RELA: variants seen among roughly 807,000 people sequenced by gnomAD.
RELA encodes RELA proto-oncogene, NF-kB subunit, also known as transcription factor p65.
A neutral mutation model predicts 56.7 loss-of-function variants in RELA; 14 were observed. That is an observed-to-expected ratio of 0.25 (90% confidence interval 0.16 to 0.39). The LOEUF (loss-of-function observed/expected upper bound fraction) is 0.39. Ranked by LOEUF, RELA falls within the 10% of genes least tolerant of loss-of-function variation. The probability of loss-of-function intolerance (pLI) is 1.00; values close to 1 mark genes in which losing one functional copy is unlikely to be tolerated. For synonymous variants in RELA, 315 were observed against 289.7 expected (o/e 1.09, Z -0.89); for missense variants, 559 against 736.4 (o/e 0.76, Z 2.79).
upstream of RELA, among the ~76,000 whole-genome samples, chr11:65,663,740 C>T (rs112744469): frequency 1.5e-4 from 22 of 151,260 alleles, 1 homozygote; most frequent in African/African-American, 4.6e-4. Context: ...CACCCCCCTG[C>T]CCCCGCCTGT....
chr11:65,656,510 C>T (rs995749376), intron 8 of RELA, among the ~76,000 whole-genome samples: 1 of 152,154 alleles, frequency 6.6e-6, no homozygotes, highest in African/African-American at 2.4e-5. Flanking sequence ...CCTGACCATC[C>T]GCCATCTGCC....
At position 65,654,846 on chromosome 11, in the gene RELA, A is replaced by G. The variant is rs1856378548; in HGVS notation, c.1188T>C (p.Ala396=). The G allele has an allele frequency of 1.9e-6, 3 of 1,554,222 alleles. No homozygotes were observed. The highest frequency in any genetic ancestry group is 2.6e-6 in the Non-Finnish European group (3 of 1,145,712). Residue 396 remains alanine, a synonymous_variant, in exon 11 of 11, where the codon GCT becomes GCC. Transcript: ENST00000406246. ...VLPQAPAPAP[A]PAMVSALAQA... is the part of the protein sequence containing the mutation. ...GGGCCAGAGCTGATACCATGGCTGG[A>G]GCAGGGGCAGGGGCTGGAGCCTGGG... is the stretch of plus-strand genomic sequence containing the variant.
intron 10 of RELA, 189 bp from the exon 11 acceptor site, chr11:65,655,189 A>ACCTTGGAGTCCTC (rs1283233398): frequency 6.6e-6 from 4 of 603,558 alleles, no homozygotes; most frequent in Non-Finnish European, 1.2e-5. Flanking sequence ...CCACACCTCC[A>ACCTTGGAGTCCTC]CCTTGGAGTC....
upstream of RELA, chr11:65,663,065 G>C: frequency 3.8e-6 from 1 of 265,064 alleles, no homozygotes; most frequent in Non-Finnish European, 7.0e-6. Flanking sequence ...GGGGGTCGGG[G>C]CCAAGTGCGC....
chr11:65,654,215 A>C lies in RELA; in HGVS notation c.*163T>G. 1 of 859,386 alleles carries C rather than the reference A, an allele frequency of 1.2e-6. No homozygotes were observed. The highest frequency in any genetic ancestry group is 1.9e-6 in the Non-Finnish European group (1 of 519,852). The allele number at this position is 859,386 out of a possible 1,614,324, so 53.2% of individuals were successfully genotyped here. ...AGCACCTCCAAAAAGAGAGAGAGAT[A>C]CAGATACTGACAATAAAAGAATAAA... On this transcript the variant is annotated 3_prime_UTR_variant, in exon 11 of 11. Transcript: ENST00000406246.
chr11:65,663,277 C>T (rs1436889237), upstream of RELA, among the ~76,000 whole-genome samples: 1 of 152,194 alleles, frequency 6.6e-6, no homozygotes, highest in East Asian at 1.9e-4. Flanking sequence ...CTGCGGCCGC[C>T]CGCCCCGCGC....
At position 65,654,995 on chromosome 11, in the gene RELA, G is replaced by T; in HGVS notation, c.1039C>A (p.Gln347Lys). ...SSASVPKPAP[Q>K]PYPFTSSLST... The stretch of plus-strand genomic sequence containing the variant: ...AGGGATGACGTAAAGGGATAGGGCT[G>T]GGGTGCTGGAGGAGAGAGACAGAGA... The change falls in exon 11 of 11, where the codon CAG becomes AAG. Residue 347 changes from glutamine to lysine, a missense_variant. By Grantham distance (53) the Gln-to-Lys change is moderately conservative. Transcript: ENST00000406246. The T allele has an allele frequency of 6.3e-7, 1 of 1,596,658 alleles. No homozygotes were observed. Among genetic ancestry groups the T allele is most frequent in the Non-Finnish European group, 8.5e-7 (1 of 1,172,380 alleles).
At chr11:65,662,120 GCTGCCCCCA>G in intron 2 of RELA, 32 bp from the exon 3 acceptor site, 1 of 1,602,072 alleles carries the variant, frequency 6.2e-7, no homozygotes, top group Non-Finnish European at 8.5e-7. Context: ...CCATTAGGCG[GCTGCCCCCA>G]CTGCCCTACC....
At position 65,654,281 on chromosome 11, in the gene RELA, G is replaced by A. The variant is rs768418223; in HGVS notation, c.*97C>T. On this transcript the variant is annotated 3_prime_UTR_variant, in exon 11 of 11. Transcript: ENST00000406246. ...CCAAGGAAGACATCCACAAAGTTGG[G>A]GGCAGTTGGAACACACCCCACCAGA... is the stretch of plus-strand genomic sequence containing the variant. 6.8e-7 allele frequency: 1 copy of A among 1,480,608 alleles called. No homozygotes were observed. The highest frequency in any genetic ancestry group is 9.4e-7 in the Non-Finnish European group (1 of 1,065,244). The allele number at this position is 1,480,608 out of a possible 1,614,324, so 91.7% of individuals were successfully genotyped here.
chr11:65,658,900 C>A lies in RELA; in HGVS notation c.560-78G>T. 1 of 1,180,002 alleles carries A rather than the reference C, an allele frequency of 8.5e-7. No individual in the cohort carries two copies. Among genetic ancestry groups the A allele is most frequent in the South Asian group, 1.2e-5 (1 of 81,858 alleles). The allele number at this position is 1,180,002 out of a possible 1,614,324, so 73.1% of individuals were successfully genotyped here. On this transcript the variant is annotated intron_variant, in intron 6 of 10. Coordinates refer to ENST00000406246, the MANE Select transcript of RELA (RefSeq NM_021975.4). This position sits in a 1 kb window ranked among gnomAD's most constrained non-coding sequence, Gnocchi z 4.5. ...GTGGCCTGCAGGAGATGCAACTTCC[C>A]TGCCCAGCCCAGAGTCAAGGTTGCC...
chr11:65,662,173 A>G lies in RELA; in HGVS notation c.34+6T>C. 4 of 1,590,302 alleles carry G rather than the reference A, an allele frequency of 2.5e-6. No homozygotes were observed. The highest frequency in any genetic ancestry group is 1.4e-5 in the African/African-American group (1 of 73,368). ...CACCTCCCCGACCGCCGCGGGGGCC[A>G]CTTACCTGCCGGGAAGATGAGGGGG... On this transcript the variant is annotated splice_donor_region_variant and intron_variant, in intron 2 of 10. Coordinates refer to ENST00000406246, the MANE Select transcript of RELA (RefSeq NM_021975.4).
Position 65,658,455 on chromosome 11 carries a change from C to G in RELA, c.709G>C (p.Gly237Arg). ...TGCACATCAGCTTGCGAAAAGGAGCCTCGGGCCTCCCAGCCTGGTCCCGTG... is the reference window on the plus strand; with the variant it reads ...TGCACATCAGCTTGCGAAAAGGAGCGTCGGGCCTCCCAGCCTGGTCCCGTG... ...YFTGPGWEAR[G>R]SFSQADVHRQ... is the part of the protein sequence containing the mutation. Residue 237 changes from glycine to arginine, a missense_variant, in exon 8 of 11, where the codon GGC becomes CGC. This residue lies in a region of RELA where 149 missense variants were observed against 256.0 expected (regional missense o/e 0.58). Coordinates refer to ENST00000406246, the MANE Select transcript of RELA (RefSeq NM_021975.4). The surrounding 1 kb of genome is among the most constrained non-coding windows in gnomAD (Gnocchi z 4.5). 6.2e-7 allele frequency: 1 copy of G among 1,612,814 alleles called. No individual in the cohort carries two copies. The highest frequency in any genetic ancestry group is 8.5e-7 in the Non-Finnish European group (1 of 1,179,002).
At chr11:65,660,630 A>T in intron 4 of RELA, 1 of 187,432 alleles carries the variant, frequency 5.3e-6, no homozygotes, top group Non-Finnish European at 1.1e-5. Flanking sequence ...AGCTCCCCTA[A>T]CTCCCCCACC....
At position 65,654,246 on chromosome 11, in the gene RELA, GCTC is replaced by G; in HGVS notation, c.*129_*131del. On this transcript the variant is annotated 3_prime_UTR_variant, in exon 11 of 11. Coordinates refer to ENST00000406246, the MANE Select transcript of RELA (RefSeq NM_021975.4). ...ACTGACAATAAAAGAATAAAATATG[GCTC>G]CCCCCTCCAAGGAAGACATCCACAA... The G allele has an allele frequency of 9.4e-7, 1 of 1,067,016 alleles. No individual in the cohort carries two copies. The highest frequency in any genetic ancestry group is 1.4e-6 in the Non-Finnish European group (1 of 703,040). The allele number at this position is 1,067,016 out of a possible 1,614,324, so 66.1% of individuals were successfully genotyped here.
In RELA at chr11:65,654,213, A is replaced by G; in HGVS notation, c.*165T>C. 1 of 857,922 alleles carries G rather than the reference A, an allele frequency of 1.2e-6. No homozygotes were observed. The highest frequency in any genetic ancestry group is 1.9e-6 in the Non-Finnish European group (1 of 518,762). 53.1% of individuals were successfully genotyped at this position (857,922 alleles called of 1,614,324 possible). ...TAAGCACCTCCAAAAAGAGAGAGAG[A>G]TACAGATACTGACAATAAAAGAATA... is the stretch of plus-strand genomic sequence containing the variant. On this transcript the variant is annotated 3_prime_UTR_variant, in exon 11 of 11. Coordinates refer to ENST00000406246, the MANE Select transcript of RELA (RefSeq NM_021975.4).
In RELA at chr11:65,662,844, C is replaced by CG. The variant is rs1459194588; in HGVS notation, c.-13dup. The CG allele has an allele frequency of 1.7e-6, 2 of 1,196,426 alleles. No individual in the cohort carries two copies. Among genetic ancestry groups the CG allele is most frequent in the Non-Finnish European group, 2.1e-6 (2 of 965,114 alleles). 74.1% of individuals were successfully genotyped at this position (1,196,426 alleles called of 1,614,324 possible). On this transcript the variant is annotated 5_prime_UTR_variant, in exon 1 of 11. Transcript: ENST00000406246. ...ACCTCACCGTCCATGGCCGGGGTCCCGGGGGCGGGGCCGGGGTCGCAGCTG... is the reference window on the plus strand; with the variant it reads ...ACCTCACCGTCCATGGCCGGGGTCCCGGGGGGCGGGGCCGGGGTCGCAGCTG...
At chr11:65,663,033 G>A, upstream of RELA, 1 of 289,718 alleles carries the variant, frequency 3.5e-6, no homozygotes. Context: ...AGGACGAAGA[G>A]GCTGCACGCA....
chr11:65,656,962 GTTGCAGTGAGCCGAGA>G (rs1856446988), intron 8 of RELA, among the ~76,000 whole-genome samples: 1 of 152,130 alleles, frequency 6.6e-6, no homozygotes, highest in Admixed American at 6.5e-5. Context: ...GGAGGTGGAG[GTTGCAGTGAGCCGAGA>G]TTGCACCACT....
Position 65,658,679 on chromosome 11 carries a change from C to T in RELA, c.664+39G>A. ...TCCACTTCTCTGCTCAGCTTCACCCCTTGCTCCCAAGAGCCCACCCCTGCC... is the reference window on the plus strand; with the variant it reads ...TCCACTTCTCTGCTCAGCTTCACCCTTTGCTCCCAAGAGCCCACCCCTGCC... On this transcript the variant is annotated intron_variant, in intron 7 of 10. Coordinates refer to ENST00000406246, the MANE Select transcript of RELA (RefSeq NM_021975.4). The surrounding 1 kb of genome is among the most constrained non-coding windows in gnomAD (Gnocchi z 4.5). 6.3e-7 allele frequency: 1 copy of T among 1,578,554 alleles called. No individual in the cohort carries two copies.
Sources: allele counts gnomAD v4.1 joint callset (sites outside exome capture counted in the v4.1 genomes callset), GRCh38; gene constraint gnomAD v4.1.1; regional missense constraint gnomAD v4.1.1; non-coding constraint Gnocchi (gnomAD v3.1); transcripts MANE v1.5; gene names NCBI Gene and HGNC (gene_info 2026-07-23, HGNC 2026-07-21).